COL6A6: variants seen among roughly 807,000 people sequenced by gnomAD.
COL6A6 encodes collagen type VI alpha 6 chain.
A neutral mutation model predicts 208.6 loss-of-function variants in COL6A6; 183 were observed. That is an observed-to-expected ratio of 0.88 (90% CI 0.78 to 0.99). The LOEUF is 0.99. Among genes scored for constraint, COL6A6 ranks in the 50% least tolerant of loss-of-function variants. COL6A6 has a pLI of 0.00. For synonymous variants in COL6A6, 973 were observed against 1,011.8 expected (o/e 0.96, Z 0.73); for missense variants, 2,816 against 2,815.2 (o/e 1.00, Z -0.01).
At chr3:130,523,661 A>G (rs140019937) in intron 1 of COL6A6, among the ~76,000 whole-genome samples, 1 of 152,196 alleles carries the variant, frequency 6.6e-6, no homozygotes, top group African/African-American at 2.4e-5. Context: ...GCCTTGCCTC[A>G]TGATGTTTTG....
At chr3:130,643,148 T>G in intron 31 of COL6A6, 125 bp downstream of exon 31, 1 of 1,006,900 alleles carries the variant, frequency 9.9e-7, no homozygotes, top group East Asian at 2.6e-5. Context: ...ACTGCATGTA[T>G]TTTTGAGTCA....
At chr3:130,599,382 G>A (rs938475217) in intron 19 of COL6A6, among the ~76,000 whole-genome samples, 11 of 151,764 alleles carry the variant, frequency 7.2e-5, no homozygotes, top group Non-Finnish European at 1.5e-4. Flanking sequence ...AAAGGATCAA[G>A]CAATTCAAAA....
At chr3:130,522,194 A>T (rs914916021) in intron 1 of COL6A6, among the ~76,000 whole-genome samples, 3 of 152,144 alleles carry the variant, frequency 2.0e-5, no homozygotes, top group African/African-American at 7.2e-5. Context: ...GCAGAACAGA[A>T]TTTTGTCTGT....
At position 130,654,619 on chromosome 3, in the gene COL6A6, C is replaced by T. The variant is rs143517464; in HGVS notation, c.5734-4057C>T. On this transcript the variant is annotated intron_variant, in intron 33 of 36. Coordinates refer to ENST00000358511, the MANE Select transcript of COL6A6 (RefSeq NM_001102608.3). ...TTATAAGTATCTGGAGCCCAGGTGT[C>T]CTCTGGTCCTAAGTCCAGATAAGCA... Among the ~76,000 whole-genome samples, 637 of 152,330 alleles carry T rather than the reference C, an allele frequency of 4.2e-3. 1 individual carries two copies. Among genetic ancestry groups the T allele is most frequent in the African/African-American group, 0.014 (594 of 41,578 alleles).
At chr3:130,550,183 G>C (rs148999944) in intron 1 of COL6A6, among the ~76,000 whole-genome samples, 1 of 152,272 alleles carries the variant, frequency 6.6e-6, no homozygotes, top group African/African-American at 2.4e-5. Flanking sequence ...TGCTGAAGTT[G>C]TTAATTAGAT....
At position 130,566,919 on chromosome 3, in the gene COL6A6, A is replaced by G; in HGVS notation, c.1500A>G (p.Gly500=). The G allele has an allele frequency of 6.2e-7, 1 of 1,613,938 alleles. No homozygotes were observed. The highest frequency in any genetic ancestry group is 8.5e-7 in the Non-Finnish European group (1 of 1,179,800). The change falls in exon 5 of 37, where the codon GGA becomes GGG. Residue 500 remains glycine, a synonymous_variant. Coordinates refer to ENST00000358511, the MANE Select transcript of COL6A6 (RefSeq NM_001102608.3). ...AATACTCCAACAAGCAGGATTTGGG[A>G]AAGGCCATTGAGAATATCAGGCAGA... The part of the protein sequence containing the change: ...INKYSNKQDL[G]KAIENIRQMG...
At chr3:130,554,083 A>C (rs957995884) in intron 1 of COL6A6, among the ~76,000 whole-genome samples, 2 of 152,152 alleles carry the variant, frequency 1.3e-5, no homozygotes, top group Non-Finnish European at 2.9e-5. Context: ...TGAAGGGGCC[A>C]ATGTGTCCCT....
At chr3:130,572,107 C>T (rs780077847) in intron 7 of COL6A6, among the ~76,000 whole-genome samples, 31 of 152,140 alleles carry the variant, frequency 2.0e-4, no homozygotes, top group Admixed American at 3.3e-4. Context: ...GCTAGAATTG[C>T]CTGAAGTCTT....
chr3:130,578,852 A>C (rs1284519190), intron 8 of COL6A6, among the ~76,000 whole-genome samples: 4 of 152,180 alleles, frequency 2.6e-5, no homozygotes, highest in Admixed American at 2.6e-4. Flanking sequence ...TGCAGTGAGC[A>C]TGGTGGAGGC....
chr3:130,541,865 G>A (rs992480229), intron 1 of COL6A6, among the ~76,000 whole-genome samples: 6 of 152,188 alleles, frequency 3.9e-5, no homozygotes, highest in Admixed American at 6.5e-5. Context: ...TGTTCAGGTT[G>A]TATATTCTTG....
chr3:130,574,425 C>A lies in COL6A6; in HGVS notation c.3447C>A (p.Thr1149=), dbSNP rs774222244. 1.2e-6 allele frequency: 2 copies of A among 1,613,866 alleles called. No individual in the cohort carries two copies. Among genetic ancestry groups the A allele is most frequent in the African/African-American group, 2.7e-5 (2 of 74,924 alleles). Residue 1149 remains threonine (T), a synonymous_variant, in exon 8 of 37, where the codon ACC becomes ACA. Coordinates refer to ENST00000358511, the MANE Select transcript of COL6A6 (RefSeq NM_001102608.3). The part of the protein sequence containing the change: ...DVDDQQLIQI[T]GTAEKKLTVH... ...ATGACCAGCAGCTCATTCAGATCAC[C>A]GGGACTGCAGAGAAAAAACTGACAG...
intron 22 of COL6A6, among the ~76,000 whole-genome samples, chr3:130,609,573 T>C (rs961251250): frequency 6.6e-6 from 1 of 152,068 alleles, no homozygotes; most frequent in African/African-American, 2.4e-5. Flanking sequence ...AGCTAACATA[T>C]TATGATAAAG....
intron 10 of COL6A6, among the ~76,000 whole-genome samples, chr3:130,582,750 G>C (rs2063454020): frequency 6.6e-6 from 1 of 152,160 alleles, no homozygotes; most frequent in African/African-American, 2.4e-5. Flanking sequence ...TTTACTGGCA[G>C]ATTCACCTAT....
At position 130,661,716 on chromosome 3, in the gene COL6A6, G is replaced by C. The variant is rs200262875; in HGVS notation, c.5910G>C (p.Leu1970=). Residue 1970 remains leucine (L), a synonymous_variant, in exon 35 of 37, where the codon CTG becomes CTC. Coordinates refer to ENST00000358511, the MANE Select transcript of COL6A6 (RefSeq NM_001102608.3). ...CTTACATGGATGCTGCTTTCCTTCTGGATGCCTCCCGGAACATGGGAAGTG... is the reference window on the plus strand; with the variant it reads ...CTTACATGGATGCTGCTTTCCTTCTCGATGCCTCCCGGAACATGGGAAGTG... The part of the protein sequence containing the change: ...VQSYMDAAFL[L]DASRNMGSAE... 1.2e-4 allele frequency: 189 copies of C among 1,613,784 alleles called. No homozygotes were observed. The highest frequency in any genetic ancestry group is 1.4e-4 in the Non-Finnish European group (168 of 1,179,868).
At position 130,567,150 on chromosome 3, in the gene COL6A6, AAC is replaced by A. The variant is rs769253163; in HGVS notation, c.1735_1736del (p.Gln579AlafsTer16). Reference sequence around the variant, plus strand: ...CTATCGGGATCAAGGAGGCCAACCAAACACAGCTGAGAGAAATTGCAGGAGAG... The same window carrying A: ...CTATCGGGATCAAGGAGGCCAACCAAACAGCTGAGAGAAATTGCAGGAGAG... Reference protein sequence around the residue: ...YAIGIKEANQTQLREIAGEEK... With the variant: ...YAIGIKEANQXQLREIAGEEK... On this transcript the variant is annotated frameshift_variant, in exon 5 of 37. Transcript: ENST00000358511. LOFTEE classifies it high-confidence loss of function. The A allele has an allele frequency of 6.2e-7, 1 of 1,613,970 alleles. No homozygotes were observed.
chr3:130,598,416 G>GAAC lies in COL6A6; in HGVS notation c.4586_4588dup (p.Glu1529_Arg1530insGln), dbSNP rs2063909569. 6.4e-7 allele frequency: 1 copy of GAAC among 1,550,962 alleles called. No individual in the cohort carries two copies. The highest frequency in any genetic ancestry group is 1.2e-5 in the South Asian group (1 of 83,972). On this transcript the variant is annotated inframe_insertion, in exon 19 of 37. Coordinates refer to ENST00000358511, the MANE Select transcript of COL6A6 (RefSeq NM_001102608.3). ...AGAAGGACCCACAGGCTTGAAAGGA[G>GAAC]AACGTGGAAGACAAGTAATTACGTG...
At chr3:130,662,732 T>A (rs2065968909) in intron 35 of COL6A6, among the ~76,000 whole-genome samples, 1 of 152,200 alleles carries the variant, frequency 6.6e-6, no homozygotes, top group South Asian at 2.1e-4. Flanking sequence ...ATTAAACAGT[T>A]CTTGGCTTTG....
At chr3:130,640,265 T>G (rs889633311) in intron 28 of COL6A6, among the ~76,000 whole-genome samples, 5 of 152,198 alleles carry the variant, frequency 3.3e-5, no homozygotes, top group African/African-American at 1.2e-4. Flanking sequence ...GATTCAACTT[T>G]CTCAGGTCTG....
At chr3:130,622,140 G>A (rs1482085646) in intron 24 of COL6A6, among the ~76,000 whole-genome samples, 3 of 151,922 alleles carry the variant, frequency 2.0e-5, no homozygotes, top group Non-Finnish European at 4.4e-5. Flanking sequence ...AGGGAACAAG[G>A]GATATTCTGG....
Sources: gnomAD v4.1 joint callset for allele counts (sites outside exome capture counted in the v4.1 genomes callset) on GRCh38, gnomAD v4.1.1 for gene constraint, MANE v1.5 for transcripts, NCBI Gene and HGNC (gene_info 2026-07-23, HGNC 2026-07-21) for gene names.